The following LUZP2 variants were observed in gnomAD, a reference collection of about 807,000 sequenced individuals.
The protein encoded by LUZP2 is leucine zipper protein 2.
LUZP2 carries 52 observed loss-of-function variants against 51.6 expected under a neutral mutation model. That is an observed-to-expected ratio of 1.01 (90% confidence interval 0.81 to 1.27). The LOEUF is 1.27. Among genes scored for constraint, LUZP2 ranks in the 50% most tolerant of loss-of-function variants. LUZP2 has a pLI of 0.00. For synonymous variants in LUZP2, 154 were observed against 137.3 expected (o/e 1.12, Z -0.85); for missense variants, 436 against 395.4 (o/e 1.10, Z -0.87).
chr11:24,559,127 T>C (rs1006196966), intron 1 of LUZP2, among the ~76,000 whole-genome samples: 2 of 152,170 alleles, frequency 1.3e-5, no homozygotes, highest in African/African-American at 2.4e-5. Context: ...CACATTATAA[T>C]GTATGGAATT....
At chr11:24,715,273 G>A (rs868489835) in intron 1 of LUZP2, among the ~76,000 whole-genome samples, 1 of 113,046 alleles carries the variant, frequency 8.8e-6, no homozygotes, top group Non-Finnish European at 2.1e-5. Flanking sequence ...ATGTGTGTGT[G>A]TGTGTGTGTG....
At chr11:25,043,023 G>T (rs1486755454) in intron 9 of LUZP2, among the ~76,000 whole-genome samples, 1 of 152,168 alleles carries the variant, frequency 6.6e-6, no homozygotes, top group East Asian at 1.9e-4. Context: ...GTAAACCAGA[G>T]AACTTGTTTC....
intron 7 of LUZP2, among the ~76,000 whole-genome samples, chr11:24,945,862 C>G (rs1590760054): frequency 6.6e-6 from 1 of 151,926 alleles, no homozygotes; most frequent in African/African-American, 2.4e-5. Context: ...ATGTACAATT[C>G]TATGTTTTAA....
At chr11:24,602,152 A>ATATGTG in intron 1 of LUZP2, among the ~76,000 whole-genome samples, 1 of 123,378 alleles carries the variant, frequency 8.1e-6, no homozygotes, top group Non-Finnish European at 1.6e-5. Flanking sequence ...GTATATATGT[A>ATATGTG]TATATGTATA....
At chr11:24,566,326 ATTT>A (rs869144004) in intron 1 of LUZP2, among the ~76,000 whole-genome samples, 3 of 93,002 alleles carry the variant, frequency 3.2e-5, no homozygotes, top group Non-Finnish European at 4.6e-5. Context: ...TTATTTATTT[ATTT>A]TTTTTTTTTT....
At chr11:24,765,060 C>T (rs1009642454) in intron 5 of LUZP2, among the ~76,000 whole-genome samples, 3 of 151,930 alleles carry the variant, frequency 2.0e-5, no homozygotes, top group African/African-American at 7.2e-5. Context: ...AAATTGATAA[C>T]CAAAAAAGCT....
At chr11:24,786,263 T>C in intron 5 of LUZP2, 1 of 970,290 alleles carries the variant, frequency 1.0e-6, no homozygotes, top group Non-Finnish European at 1.2e-6. Context: ...ATGTTTGATA[T>C]AAAAATTATA....
At chr11:24,824,898 C>A (rs80254164) in intron 5 of LUZP2, among the ~76,000 whole-genome samples, 5,894 of 151,980 alleles carry the variant, frequency 0.039, 225 homozygotes, top group East Asian at 0.13. Flanking sequence ...CATTTTTATG[C>A]CAAATAAAAT....
At chr11:24,783,538 A>G (rs1464000995) in intron 5 of LUZP2, among the ~76,000 whole-genome samples, 1 of 152,014 alleles carries the variant, frequency 6.6e-6, no homozygotes, top group African/African-American at 2.4e-5. Context: ...AACATTTTCC[A>G]AATTAGAGGA....
chr11:24,506,108 TA>T (rs1850139798), intron 1 of LUZP2, among the ~76,000 whole-genome samples: 1 of 152,168 alleles, frequency 6.6e-6, no homozygotes, highest in African/African-American at 2.4e-5. Flanking sequence ...TACAATGGGA[TA>T]AGTTTGGTCA....
At chr11:24,586,885 T>C (rs1457549120) in intron 1 of LUZP2, among the ~76,000 whole-genome samples, 1 of 152,142 alleles carries the variant, frequency 6.6e-6, no homozygotes, top group Non-Finnish European at 1.5e-5. Context: ...TTCTTCATTA[T>C]ATATCTCATT....
intron 7 of LUZP2, among the ~76,000 whole-genome samples, chr11:24,937,987 A>G (rs1377665627): frequency 6.6e-6 from 1 of 152,066 alleles, no homozygotes; most frequent in East Asian, 1.9e-4. Flanking sequence ...TGGCATATGT[A>G]AAACTAGATT....
At chr11:24,679,599 A>G (rs1434676121) in intron 1 of LUZP2, among the ~76,000 whole-genome samples, 1 of 152,160 alleles carries the variant, frequency 6.6e-6, no homozygotes, top group Non-Finnish European at 1.5e-5. Context: ...TTATTTTTAA[A>G]AGATATGGTA....
intron 1 of LUZP2, among the ~76,000 whole-genome samples, chr11:24,652,050 GTA>G (rs1293898706): frequency 6.9e-6 from 1 of 145,950 alleles, no homozygotes; most frequent in Admixed American, 6.8e-5. Context: ...TACACATGTT[GTA>G]TATGTGTGTA....
At chr11:25,064,008 C>G (rs548577689) in intron 10 of LUZP2, among the ~76,000 whole-genome samples, 1 of 151,736 alleles carries the variant, frequency 6.6e-6, no homozygotes, top group Admixed American at 6.6e-5. Flanking sequence ...CTTCAGATAT[C>G]TTGTAAGATA....
At position 24,513,038 on chromosome 11, in the gene LUZP2, G is replaced by A. The variant is rs562912243; in HGVS notation, c.62+15733G>A. On this transcript the variant is annotated intron_variant, in intron 1 of 11. Transcript: ENST00000336930. ...CTCCCAAAGTGTTGGGATCACAGGC[G>A]TGAGCCACCGCGCCCAGCAAATGAT... Among the ~76,000 whole-genome samples the A allele has an allele frequency of 1.4e-4, 21 of 152,186 alleles. No homozygotes were observed. The South Asian group carries it at 4.1e-3, about 30-fold the overall frequency.
chr11:24,998,219 C>T (rs1388176737), intron 9 of LUZP2, among the ~76,000 whole-genome samples: 1 of 152,146 alleles, frequency 6.6e-6, no homozygotes, highest in East Asian at 1.9e-4. Flanking sequence ...GCAGTATGGC[C>T]ATTTTCACGA....
chr11:25,063,193 A>G (rs140301879), intron 10 of LUZP2, among the ~76,000 whole-genome samples: 1 of 151,878 alleles, frequency 6.6e-6, no homozygotes, highest in African/African-American at 2.4e-5. Context: ...TTCCTATTAT[A>G]TTAGGTGCCA....
chr11:25,060,618 A>G (rs956368606), intron 10 of LUZP2, among the ~76,000 whole-genome samples: 1 of 152,208 alleles, frequency 6.6e-6, no homozygotes, highest in Non-Finnish European at 1.5e-5. Context: ...TATCATTATC[A>G]TCATTTAACA....
Sources: allele counts gnomAD v4.1 joint callset (sites outside exome capture counted in the v4.1 genomes callset), GRCh38; gene constraint gnomAD v4.1.1; transcripts MANE v1.5; gene names NCBI Gene and HGNC (gene_info 2026-07-23, HGNC 2026-07-21).